Variants in ATP13A5 observed in about 807,000 individuals in gnomAD.
ATP13A5 encodes the protein probable cation-transporting ATPase 13A5.
In ATP13A5, 149 loss-of-function variants were observed where a neutral mutation model predicts 150.2. The ratio of observed to expected loss-of-function variants is 0.99; its 90% CI spans 0.87 to 1.14. The LOEUF (loss-of-function observed/expected upper bound fraction) is 1.14, where lower values mean the gene tolerates loss of function less well. Among genes scored for constraint, ATP13A5 ranks in the 50% most tolerant of loss-of-function variants. The pLI, the probability that ATP13A5 is intolerant of heterozygous loss-of-function variation, is 0.00. For synonymous variants in ATP13A5, 497 were observed against 522.2 expected, an observed-to-expected ratio of 0.95 and a Z score of 0.66; for missense variants, 1,383 against 1,449.3, an observed-to-expected ratio of 0.95 and a Z score of 0.74.
chr3:193,282,747 C>A (rs1049790364), intron 27 of ATP13A5, among the ~76,000 whole-genome samples: 3 of 152,096 alleles, frequency 2.0e-5, no homozygotes, highest in Admixed American at 6.6e-5. Flanking sequence ...TGCTAAGAGA[C>A]CTTAACAAAA....
intron 21 of ATP13A5, 95 bp downstream of exon 21, chr3:193,310,543 T>G: frequency 1.0e-6 from 1 of 991,528 alleles, no homozygotes; most frequent in Non-Finnish European, 1.5e-6. Flanking sequence ...ATTTTTGACT[T>G]TTTAATAATA....
In ATP13A5 at chr3:193,364,242, GGCTTTCCGTACATT is replaced by G; in HGVS notation, c.88_101del (p.Asn30LeufsTer79). On this transcript the variant is annotated frameshift_variant, in exon 2 of 30. Coordinates refer to ENST00000342358, the MANE Select transcript of ATP13A5 (RefSeq NM_198505.4). LOFTEE classifies it high-confidence loss of function. ...TCAGCACGGATGCGACAAGGCAGAA[GGCTTTCCGTACATT>G]GTGGTCCCGGTAACCAAACACCTCC... 1.2e-6 allele frequency: 2 copies of G among 1,614,090 alleles called. No individual in the cohort carries two copies. The highest frequency in any genetic ancestry group is 1.7e-6 in the Non-Finnish European group (2 of 1,179,958).
chr3:193,375,139 C>T lies in ATP13A5; in HGVS notation c.63+3524G>A, dbSNP rs140551758. ...GAAGCCCTGCTGTTACCTGTGTACCCGTTTCACCCAGTATTTCTCAAACCT... is the reference window on the plus strand; with the variant it reads ...GAAGCCCTGCTGTTACCTGTGTACCTGTTTCACCCAGTATTTCTCAAACCT... On this transcript the variant is annotated intron_variant, in intron 1 of 29. Coordinates refer to ENST00000342358, the MANE Select transcript of ATP13A5 (RefSeq NM_198505.4). 3.1e-3 allele frequency among the ~76,000 whole-genome samples: 476 copies of T among 152,300 alleles called. 2 individuals carry two copies. The highest frequency in any genetic ancestry group is 0.01 in the African/African-American group (432 of 41,558).
chr3:193,302,797 G>T (rs1486335531), intron 23 of ATP13A5, among the ~76,000 whole-genome samples: 1 of 152,102 alleles, frequency 6.6e-6, no homozygotes, highest in Non-Finnish European at 1.5e-5. Flanking sequence ...TTGCCTCTCT[G>T]GAGTGCTTTC....
At chr3:193,336,387 C>T (rs1442936057) in intron 9 of ATP13A5, among the ~76,000 whole-genome samples, 3 of 152,144 alleles carry the variant, frequency 2.0e-5, no homozygotes, top group Non-Finnish European at 4.4e-5. Context: ...TCCCTCCCCA[C>T]TCCCCCCACC....
At chr3:193,358,573 G>C (rs1282916744) in intron 5 of ATP13A5, among the ~76,000 whole-genome samples, 1 of 152,208 alleles carries the variant, frequency 6.6e-6, no homozygotes, top group Non-Finnish European at 1.5e-5. Flanking sequence ...CTTACACAGA[G>C]AATGTATCTC....
intron 6 of ATP13A5, among the ~76,000 whole-genome samples, chr3:193,351,942 A>G (rs1030020455): frequency 2.6e-5 from 4 of 152,216 alleles, no homozygotes; most frequent in Admixed American, 2.6e-4. Flanking sequence ...TAATGAGAGC[A>G]GAGAGGGCAA....
intron 16 of ATP13A5, among the ~76,000 whole-genome samples, chr3:193,319,958 A>G (rs1719201050): frequency 6.6e-6 from 1 of 152,252 alleles, no homozygotes; most frequent in South Asian, 2.1e-4. Flanking sequence ...AGTAAGAACT[A>G]TCTTGATCTT....
chr3:193,348,905 G>A (rs1237877741), intron 7 of ATP13A5, among the ~76,000 whole-genome samples: 1 of 152,100 alleles, frequency 6.6e-6, no homozygotes, highest in African/African-American at 2.4e-5. Flanking sequence ...GAAAACCTGG[G>A]GCTAAGGCCA....
In ATP13A5 at chr3:193,315,115, A is replaced by G. The variant is rs1398560573; in HGVS notation, c.2034-19T>C. ...TTTTTCTCTTTGTATTCAGGAGAAA[A>G]TCAATATTAAAGTATATCTACGTAG... On this transcript the variant is annotated intron_variant, in intron 17 of 29. Coordinates refer to ENST00000342358, the MANE Select transcript of ATP13A5 (RefSeq NM_198505.4). 6.2e-7 allele frequency: 1 copy of G among 1,611,646 alleles called. No homozygotes were observed. The highest frequency in any genetic ancestry group is 2.2e-5 in the East Asian group (1 of 44,856).
chr3:193,347,710 C>T (rs1010079236), intron 7 of ATP13A5, among the ~76,000 whole-genome samples: 6 of 152,120 alleles, frequency 3.9e-5, no homozygotes, highest in African/African-American at 1.4e-4. Flanking sequence ...ACCTGTCATG[C>T]TTCCAGGCCT....
At chr3:193,364,056 T>C in intron 2 of ATP13A5, 51 bp downstream of exon 2, 1 of 1,583,510 alleles carries the variant, frequency 6.3e-7, no homozygotes, top group Admixed American at 1.7e-5. Context: ...ACAGAGGCAA[T>C]ACAGAAGACA....
chr3:193,280,064 C>CT (rs1479789377), intron 27 of ATP13A5, among the ~76,000 whole-genome samples: 1 of 135,842 alleles, frequency 7.4e-6, no homozygotes, highest in Non-Finnish European at 1.6e-5. Flanking sequence ...TTTTTCTTTC[C>CT]TTTTTTTTGA....
rs1292528314 is a variant in ATP13A5, at chr3:193,314,107, C to T, written c.2245G>A (p.Glu749Lys). The T allele has an allele frequency of 1.5e-5, 25 of 1,613,954 alleles. No individual in the cohort carries two copies. Among genetic ancestry groups the T allele is most frequent in the Non-Finnish European group, 1.9e-5 (23 of 1,179,892 alleles). The change falls in exon 19 of 30, where the codon GAA becomes AAA. Residue 749 changes from glutamate to lysine, a missense_variant. Glu to Lys is a moderately conservative substitution (Grantham distance 56). Transcript: ENST00000342358. Reference sequence around the variant, plus strand: ...GAGGCAGGAACAAATTCTTCTGGTTCATCGGCCTCAACAATGATCACTTGG... The same window carrying T: ...GAGGCAGGAACAAATTCTTCTGGTTTATCGGCCTCAACAATGATCACTTGG... The part of the protein sequence containing the change: ...GSQVIIVEAD[E>K]PEEFVPASVT...
intron 29 of ATP13A5, among the ~76,000 whole-genome samples, chr3:193,276,407 C>A (rs1717202741): frequency 6.6e-6 from 1 of 152,172 alleles, no homozygotes; most frequent in African/African-American, 2.4e-5. Context: ...TCTAAAAAGT[C>A]TCTTTGGGTT....
chr3:193,306,885 G>T (rs1304749423), intron 22 of ATP13A5, among the ~76,000 whole-genome samples: 1 of 152,090 alleles, frequency 6.6e-6, no homozygotes, highest in Non-Finnish European at 1.5e-5. Context: ...TGAAAGTTTG[G>T]CAGGAATAAA....
chr3:193,280,518 G>A (rs1717440977), intron 27 of ATP13A5, among the ~76,000 whole-genome samples: 1 of 152,078 alleles, frequency 6.6e-6, no homozygotes, highest in African/African-American at 2.4e-5. Context: ...CTGGTTCTCT[G>A]GAACTCTGAC....
rs2108875087 is a variant in ATP13A5 at position 193,333,861 on chromosome 3, G to A, written c.1161C>T (p.Pro387=). 1.2e-6 allele frequency: 2 copies of A among 1,613,930 alleles called. No individual in the cohort carries two copies. The highest frequency in any genetic ancestry group is 1.7e-6 in the Non-Finnish European group (2 of 1,179,884). The change falls in exon 11 of 30, where the codon CCC becomes CCT. Residue 387 remains proline (P), a synonymous_variant. Transcript: ENST00000342358. ...TGTATAGTTTGAAGTTCAGAGGCCG[G>A]GGGTACAGGATGGATCTCACTAAGT... The part of the protein sequence containing the change: ...KGDLVRSILY[P]RPLNFKLYSD...
chr3:193,375,949 A>G (rs1713625689), intron 1 of ATP13A5, among the ~76,000 whole-genome samples: 1 of 152,200 alleles, frequency 6.6e-6, no homozygotes, highest in Non-Finnish European at 1.5e-5. Flanking sequence ...GACTCTCACG[A>G]TCACAACGGA....
Sources: gnomAD v4.1 joint callset for allele counts (sites outside exome capture counted in the v4.1 genomes callset) on GRCh38, gnomAD v4.1.1 for gene constraint, MANE v1.5 for transcripts, NCBI Gene and HGNC (gene_info 2026-07-23, HGNC 2026-07-21) for gene names.